The following EFHD2 variants were observed in gnomAD, a reference collection of about 807,000 sequenced individuals.
EFHD2 encodes EF-hand domain-containing protein D2.
EFHD2 carries 12 observed loss-of-function variants against 20.3 expected under a neutral mutation model. That is an observed-to-expected ratio of 0.59 (90% CI 0.38 to 0.96). EFHD2 has a LOEUF of 0.96. Ranked by LOEUF, EFHD2 falls within the 40% of genes least tolerant of loss-of-function variation. The pLI is 0.00. For synonymous variants in EFHD2, 131 were observed against 143.9 expected, an observed-to-expected ratio of 0.91 and a Z score of 0.64; for missense variants, 250 against 334.3, an observed-to-expected ratio of 0.75 and a Z score of 1.97.
At chr1:15,412,497 C>CG (rs1707552200) in intron 1 of EFHD2, among the ~76,000 whole-genome samples, 1 of 152,208 alleles carries the variant, frequency 6.6e-6, no homozygotes, top group South Asian at 2.1e-4. Flanking sequence ...CTTCCCCTTC[C>CG]GGGTTTCCCA....
At position 15,419,479 on chromosome 1, in the gene EFHD2, G is replaced by C. The variant is rs568175790; in HGVS notation, c.309-6392G>C. Among the ~76,000 whole-genome samples, 5 of 152,306 alleles carry C rather than the reference G, an allele frequency of 3.3e-5. No homozygotes were observed. In the South Asian group the frequency reaches 6.2e-4, roughly 19 times the overall value. On this transcript the variant is annotated intron_variant, in intron 1 of 3. Transcript: ENST00000375980. The stretch of plus-strand genomic sequence containing the variant: ...CTGGGCTCTCAGTCCAGCCTCCACT[G>C]GCCCTGCAAGCTTGAGAATGTGGGA...
intron 1 of EFHD2, among the ~76,000 whole-genome samples, chr1:15,412,482 G>C (rs116640227): frequency 6.6e-6 from 1 of 152,162 alleles, no homozygotes; most frequent in Non-Finnish European, 1.5e-5. Context: ...TCCAAATCCC[G>C]GGCTCTTCCC....
chr1:15,412,854 C>A (rs742363), intron 1 of EFHD2, among the ~76,000 whole-genome samples: 50,165 of 151,992 alleles, frequency 0.33, 8,432 homozygotes, highest in Middle Eastern at 0.41. Context: ...ACTCTGAGGG[C>A]GACTGAGGGG....
chr1:15,420,248 A>G (rs1707765914), intron 1 of EFHD2, among the ~76,000 whole-genome samples: 1 of 152,250 alleles, frequency 6.6e-6, no homozygotes, highest in Admixed American at 6.5e-5. Context: ...TCAATATAAC[A>G]ACTACTATTA....
At chr1:15,417,773 C>A (rs1025880230) in intron 1 of EFHD2, among the ~76,000 whole-genome samples, 1 of 152,160 alleles carries the variant, frequency 6.6e-6, no homozygotes, top group Non-Finnish European at 1.5e-5. Context: ...CAACACCCAC[C>A]CTGTCCAATT....
At chr1:15,425,301 G>T (rs1707856218) in intron 1 of EFHD2, among the ~76,000 whole-genome samples, 1 of 152,084 alleles carries the variant, frequency 6.6e-6, no homozygotes. Context: ...GAGGTGGGTG[G>T]ATCACTTGAG....
At chr1:15,427,360 C>G in intron 3 of EFHD2, 76 bp downstream of exon 3, 1 of 1,521,602 alleles carries the variant, frequency 6.6e-7, no homozygotes, top group Non-Finnish European at 8.8e-7. Context: ...TTAATAGGTC[C>G]CCTTCCCGTC....
At chr1:15,425,279 C>T (rs561660509) in intron 1 of EFHD2, among the ~76,000 whole-genome samples, 32 of 152,250 alleles carry the variant, frequency 2.1e-4, no homozygotes, top group Non-Finnish European at 1.3e-4. Context: ...AATCCCCATA[C>T]TTTGGGAGGC....
intron 1 of EFHD2, among the ~76,000 whole-genome samples, chr1:15,418,640 C>CCA (rs1707732232): frequency 6.9e-6 from 1 of 144,344 alleles, no homozygotes; most frequent in African/African-American, 2.6e-5. Flanking sequence ...AAGATAGGCC[C>CCA]CCCCTTAAGT....
chr1:15,414,140 C>T (rs538606664), intron 1 of EFHD2, among the ~76,000 whole-genome samples: 26 of 152,348 alleles, frequency 1.7e-4, no homozygotes, highest in Middle Eastern at 3.4e-3. Flanking sequence ...AATCTGAGGA[C>T]GATGCCCTAG....
At chr1:15,412,451 A>G (rs1707551344) in intron 1 of EFHD2, among the ~76,000 whole-genome samples, 1 of 152,242 alleles carries the variant, frequency 6.6e-6, no homozygotes, top group African/African-American at 2.4e-5. Context: ...TAGAGCCAGG[A>G]CTGAAACCCA....
intron 1 of EFHD2, among the ~76,000 whole-genome samples, chr1:15,414,956 C>T (rs1273831400): frequency 1.3e-5 from 2 of 152,232 alleles, no homozygotes; most frequent in Admixed American, 1.3e-4. Flanking sequence ...GACTCAGCAT[C>T]TCTGAGCCTC....
At chr1:15,427,497 A>T (rs1220833686) in intron 3 of EFHD2, among the ~76,000 whole-genome samples, 1 of 152,094 alleles carries the variant, frequency 6.6e-6, no homozygotes, top group East Asian at 1.9e-4. Flanking sequence ...GGGGTGGGTG[A>T]GGGGGGTGTA....
Position 15,410,146 on chromosome 1 carries a change from C to G in EFHD2, c.175C>G (p.Leu59Val), listed in dbSNP as rs749890599. 8.1e-6 allele frequency: 13 copies of G among 1,597,500 alleles called. No individual in the cohort carries two copies. In the South Asian group the frequency reaches 1.5e-4, roughly 18 times the overall value. ...CGCGGACTGCGAGCTGAGCGCCAAG[C>G]TGCTGCGGCGCGCAGACCTCAACCA... ...GSADCELSAKLLRRADLNQGI... is the reference protein window; with the variant it reads ...GSADCELSAKVLRRADLNQGI... The change falls in exon 1 of 4, where the codon CTG becomes GTG. Residue 59 changes from leucine to valine, a missense_variant. Physicochemically the swap from Leu to Val is conservative, Grantham distance 32. Around this residue, in one of 3 missense-constraint regions of EFHD2, gnomAD observed 143 missense variants for 190.6 expected, o/e 0.75. Coordinates refer to ENST00000375980, the MANE Select transcript of EFHD2 (RefSeq NM_024329.6).
At chr1:15,425,801 C>T in intron 1 of EFHD2, 70 bp from the exon 2 acceptor site, 4 of 1,564,632 alleles carry the variant, frequency 2.6e-6, no homozygotes, top group Non-Finnish European at 3.4e-6. Context: ...CCCCCAGTCT[C>T]CTTGCACTCA....
rs1707869717 is a variant in EFHD2 at position 15,426,107 on chromosome 1, A to T, written c.456+89A>T. On this transcript the variant is annotated intron_variant, in intron 2 of 3. Transcript: ENST00000375980. This position sits in a 1 kb window ranked among gnomAD's most constrained non-coding sequence, Gnocchi z 4.6. Reference sequence around the variant, plus strand: ...GAGAGACCAACCCCCACCCTTTGTCAATGAATGAATGACATTGCCATTGAA... The same window carrying T: ...GAGAGACCAACCCCCACCCTTTGTCTATGAATGAATGACATTGCCATTGAA... 7.5e-7 allele frequency: 1 copy of T among 1,329,912 alleles called. No individual in the cohort carries two copies. The highest frequency in any genetic ancestry group is 1.5e-5 in the African/African-American group (1 of 65,356). 82.4% of individuals were successfully genotyped at this position (1,329,912 alleles called of 1,614,324 possible). A position where few individuals can be genotyped will look rare whatever the true frequency, so the allele number is the denominator to read the frequency against.
intron 1 of EFHD2, among the ~76,000 whole-genome samples, chr1:15,422,077 G>T (rs577208467): frequency 1.1e-3 from 161 of 148,176 alleles, no homozygotes; most frequent in African/African-American, 3.8e-3. Flanking sequence ...TTGGGGCCAG[G>T]TCATTCCATT....
At chr1:15,419,353 G>A (rs1173593686) in intron 1 of EFHD2, among the ~76,000 whole-genome samples, 4 of 152,220 alleles carry the variant, frequency 2.6e-5, no homozygotes, top group Non-Finnish European at 4.4e-5. Flanking sequence ...GCCAGGCCCC[G>A]CAGCCTCCCT....
In EFHD2 at chr1:15,410,034, C is replaced by T; in HGVS notation, c.63C>T (p.Gly21=). 7.8e-7 allele frequency: 1 copy of T among 1,278,304 alleles called. No homozygotes were observed. Among genetic ancestry groups the T allele is most frequent in the Non-Finnish European group, 9.9e-7 (1 of 1,014,916 alleles). The allele number at this position is 1,278,304 out of a possible 1,614,324, so 79.2% of individuals were successfully genotyped here. Residue 21 remains glycine (G), a synonymous_variant, in exon 1 of 4, where the codon GGC becomes GGT. Coordinates refer to ENST00000375980, the MANE Select transcript of EFHD2 (RefSeq NM_024329.6). ...GGCTGCAGATGGAGGGCGAGGGCGG[C>T]GGCGAGACCCCGGAGCAGCCCGGGC... ...SRRLQMEGEG[G]GETPEQPGLN...
Sources: allele counts gnomAD v4.1 joint callset (sites outside exome capture counted in the v4.1 genomes callset), GRCh38; gene constraint gnomAD v4.1.1; regional missense constraint gnomAD v4.1.1; non-coding constraint Gnocchi (gnomAD v3.1); transcripts MANE v1.5; gene names NCBI Gene and HGNC (gene_info 2026-07-23, HGNC 2026-07-21).